The following TAFA5 variants were observed in gnomAD, a reference collection of about 807,000 sequenced individuals.
The protein encoded by TAFA5 is TAFA chemokine like family member 5, also known as chemokine-like protein TAFA-5.
Under a neutral mutation model 15.3 loss-of-function variants are expected in TAFA5, and 6 were observed. The observed-to-expected ratio is 0.39, with a 90% CI of 0.21 to 0.77. TAFA5 has a LOEUF of 0.77. TAFA5 is among the 30% of genes least tolerant of loss of function. The probability of loss-of-function intolerance (pLI) is 0.41; values close to 1 mark genes in which losing one functional copy is unlikely to be tolerated. For synonymous variants in TAFA5, 103 were observed against 80.7 expected, an observed-to-expected ratio of 1.28 and a Z score of -1.48; for missense variants, 161 against 193.1, an observed-to-expected ratio of 0.83 and a Z score of 0.98.
At chr22:48,492,516 C>G (rs1569158156) in intron 1 of TAFA5, among the ~76,000 whole-genome samples, 2 of 152,156 alleles carry the variant, frequency 1.3e-5, no homozygotes, top group African/African-American at 4.8e-5. Context: ...GGCCTTCTTT[C>G]TTTCTCGTGT....
At chr22:48,499,289 A>G (rs991484362) in intron 1 of TAFA5, among the ~76,000 whole-genome samples, 11 of 152,228 alleles carry the variant, frequency 7.2e-5, no homozygotes, top group Admixed American at 4.6e-4. Context: ...GGCGGCGCCC[A>G]TCAGCCTTTC....
intron 2 of TAFA5, among the ~76,000 whole-genome samples, chr22:48,660,022 C>T (rs1009255283): frequency 6.6e-6 from 1 of 152,114 alleles, no homozygotes; most frequent in Admixed American, 6.5e-5. Context: ...GGGTGTGGGG[C>T]GGGGACGGCT....
intron 1 of TAFA5, among the ~76,000 whole-genome samples, chr22:48,521,570 C>T (rs777918400): frequency 1.3e-5 from 2 of 152,138 alleles, no homozygotes; most frequent in Non-Finnish European, 2.9e-5. Flanking sequence ...TTCTAAAGTG[C>T]TGTTTCCAGG....
chr22:48,515,208 A>G (rs1921360785), intron 1 of TAFA5, among the ~76,000 whole-genome samples: 1 of 151,530 alleles, frequency 6.6e-6, no homozygotes, highest in African/African-American at 2.4e-5. Context: ...TTGCACAGGC[A>G]GCGTCCTCTC....
At chr22:48,706,020 A>G (rs1036821411) in intron 2 of TAFA5, among the ~76,000 whole-genome samples, 4 of 152,192 alleles carry the variant, frequency 2.6e-5, no homozygotes, top group Admixed American at 6.5e-5. Context: ...GCTTCGTGAA[A>G]GGGACCGGGG....
intron 1 of TAFA5, among the ~76,000 whole-genome samples, chr22:48,621,244 A>C (rs1023164511): frequency 1.6e-5 from 2 of 128,640 alleles, no homozygotes; most frequent in African/African-American, 6.1e-5. Flanking sequence ...AATTCTATCC[A>C]TCTACCCATC....
In TAFA5 at chr22:48,615,968, G is replaced by A. The variant is rs112908944; in HGVS notation, c.113-30629G>A. On this transcript the variant is annotated intron_variant, in intron 1 of 3. Transcript: ENST00000402357. ...GATGGTCAGGTCTGTTTCTACACTG[G>A]TGGAGGCTGTGAAGAGCTGAACTGG... Among the ~76,000 whole-genome samples, 5 of 152,194 alleles carry A rather than the reference G, an allele frequency of 3.3e-5. No homozygotes were observed. The East Asian group carries it at 9.6e-4, about 29-fold the overall frequency.
At chr22:48,558,685 G>A (rs933515761) in intron 1 of TAFA5, among the ~76,000 whole-genome samples, 2 of 152,172 alleles carry the variant, frequency 1.3e-5, no homozygotes, top group Non-Finnish European at 2.9e-5. Context: ...ACTCGAATGC[G>A]GAGACATGGT....
chr22:48,608,101 C>CCAGCCCCTCCCACGGCCCCAGGCTGT (rs1925264484), intron 1 of TAFA5, among the ~76,000 whole-genome samples: 1 of 151,836 alleles, frequency 6.6e-6, no homozygotes, highest in Non-Finnish European at 1.5e-5. Context: ...CCCCAGGCTG[C>CCAGCCCCTCCCACGGCCCCAGGCTGT]CAGCCCCTCC....
intron 1 of TAFA5, among the ~76,000 whole-genome samples, chr22:48,492,430 T>C (rs1928186749): frequency 6.6e-6 from 1 of 152,240 alleles, no homozygotes; most frequent in African/African-American, 2.4e-5. Context: ...CTAGTGCAGC[T>C]AGGAGGAAAC....
intron 1 of TAFA5, among the ~76,000 whole-genome samples, chr22:48,527,819 G>A (rs1921831312): frequency 6.6e-6 from 1 of 152,196 alleles, no homozygotes; most frequent in Non-Finnish European, 1.5e-5. Context: ...TCAGAGGGAG[G>A]TGCCTGAGAT....
intron 1 of TAFA5, among the ~76,000 whole-genome samples, chr22:48,501,168 C>T (rs958877115): frequency 1.3e-5 from 2 of 152,172 alleles, no homozygotes; most frequent in African/African-American, 4.8e-5. Flanking sequence ...CCTCCCTCCG[C>T]GCTGCCACAA....
chr22:48,554,816 C>T (rs1479529093), intron 1 of TAFA5, among the ~76,000 whole-genome samples: 1 of 152,214 alleles, frequency 6.6e-6, no homozygotes, highest in Non-Finnish European at 1.5e-5. Flanking sequence ...AGATGTGGGT[C>T]TCTCTTTCCC....
intron 3 of TAFA5, among the ~76,000 whole-genome samples, chr22:48,728,844 A>C (rs2147265649): frequency 6.6e-6 from 1 of 152,330 alleles, no homozygotes; most frequent in Admixed American, 6.5e-5. Flanking sequence ...ACCTATAAAA[A>C]TGTGGTTTTA....
At chr22:48,496,083 A>C (rs1373114115) in intron 1 of TAFA5, among the ~76,000 whole-genome samples, 1 of 152,228 alleles carries the variant, frequency 6.6e-6, no homozygotes, top group Non-Finnish European at 1.5e-5. Context: ...ATGGTGAGCT[A>C]GGCCAGAAAG....
Position 48,490,210 on chromosome 22 carries a change from C to G in TAFA5, c.112+506C>G, listed in dbSNP as rs1488024982. On this transcript the variant is annotated intron_variant, in intron 1 of 3. Coordinates refer to ENST00000402357, the MANE Select transcript of TAFA5 (RefSeq NM_001082967.3). This position sits in a 1 kb window ranked among gnomAD's most constrained non-coding sequence, Gnocchi z 5.8. Reference sequence around the variant, plus strand: ...GGCTCGGAGGAGCAGCTGGAGCTTCCGCTTTCCCGGGAAACGGGCTCGTCA... The same window carrying G: ...GGCTCGGAGGAGCAGCTGGAGCTTCGGCTTTCCCGGGAAACGGGCTCGTCA... 6.6e-6 allele frequency among the ~76,000 whole-genome samples: 1 copy of G among 152,156 alleles called. No individual in the cohort carries two copies. The highest frequency in any genetic ancestry group is 1.5e-5 in the Non-Finnish European group (1 of 68,008).
intron 2 of TAFA5, among the ~76,000 whole-genome samples, chr22:48,654,376 G>A (rs993710292): frequency 6.6e-6 from 1 of 152,194 alleles, no homozygotes; most frequent in Non-Finnish European, 1.5e-5. Flanking sequence ...GGGATGCATC[G>A]TCCACGGGCC....
At chr22:48,537,213 G>T (rs1569016400) in intron 1 of TAFA5, among the ~76,000 whole-genome samples, 1 of 150,890 alleles carries the variant, frequency 6.6e-6, no homozygotes, top group African/African-American at 2.4e-5. Context: ...CGGGGTGGGG[G>T]CAGGGTGGGG....
intron 1 of TAFA5, among the ~76,000 whole-genome samples, chr22:48,636,203 G>T (rs965857211): frequency 6.6e-6 from 1 of 152,240 alleles, no homozygotes; most frequent in Non-Finnish European, 1.5e-5. Context: ...TCCTGAGATC[G>T]TTGACTTTGC....
Sources: gnomAD v4.1 joint callset for allele counts (sites outside exome capture counted in the v4.1 genomes callset) on GRCh38, gnomAD v4.1.1 for gene constraint, Gnocchi (gnomAD v3.1) non-coding constraint, MANE v1.5 for transcripts, NCBI Gene and HGNC (gene_info 2026-07-23, HGNC 2026-07-21) for gene names.